Variants in UBE2D4 observed in about 807,000 individuals in gnomAD.
UBE2D4 encodes ubiquitin conjugating enzyme E2 D4.
In UBE2D4, 17 loss-of-function variants were observed where a neutral mutation model predicts 23.0. The observed-to-expected ratio is 0.74, with a 90% CI of 0.51 to 1.11. UBE2D4 has a LOEUF of 1.11. Among genes scored for constraint, UBE2D4 ranks in the 50% least tolerant of loss-of-function variants. UBE2D4 has a pLI of 0.00. For synonymous variants in UBE2D4, 61 were observed against 69.4 expected (o/e 0.88, Z 0.60); for missense variants, 139 against 181.8 (o/e 0.76, Z 1.35).
chr7:43,942,742 G>C (rs2074728), intron 2 of UBE2D4, 84 bp from the exon 3 acceptor site: 527,554 of 1,579,440 alleles, frequency 0.33, 91,411 homozygotes, highest in South Asian at 0.48. Flanking sequence ...TAGACAGTGC[G>C]CTGTAATTTA....
intron 2 of UBE2D4, chr7:43,942,172 C>T (rs771030345): frequency 4.8e-4 from 73 of 153,266 alleles, no homozygotes; most frequent in Non-Finnish European, 9.4e-4. Flanking sequence ...AAAAATTAGC[C>T]AGATGTGGTG....
rs1218395968 is a variant in UBE2D4 at position 43,942,809 on chromosome 7, T to C, written c.89-17T>C. Reference sequence around the variant, plus strand: ...TTGGGGGGTCTCTTACATGCCCGTCTCTCTTTTGTTTTGTAGTGTTCCACT... The same window carrying C: ...TTGGGGGGTCTCTTACATGCCCGTCCCTCTTTTGTTTTGTAGTGTTCCACT... On this transcript the variant is annotated splice_polypyrimidine_tract_variant and intron_variant, in intron 2 of 6. Transcript: ENST00000222402. The C allele has an allele frequency of 6.2e-7, 1 of 1,614,018 alleles. No homozygotes were observed. Among genetic ancestry groups the C allele is most frequent in the African/African-American group, 1.3e-5 (1 of 74,898 alleles).
chr7:43,938,627 G>C, intron 2 of UBE2D4, 133 bp downstream of exon 2: 1 of 817,260 alleles, frequency 1.2e-6, no homozygotes, highest in African/African-American at 1.7e-5. Flanking sequence ...CCTGAGGTCA[G>C]GAGTTTGAAA....
At chr7:43,931,296 G>C (rs2095944884) in intron 1 of UBE2D4, among the ~76,000 whole-genome samples, 1 of 152,108 alleles carries the variant, frequency 6.6e-6, no homozygotes, top group Admixed American at 6.6e-5. Flanking sequence ...AAATTAGACA[G>C]GCATGGTTCT....
rs1472523287 is a variant in UBE2D4, at chr7:43,944,878, G to A, written c.198+1847G>A. On this transcript the variant is annotated intron_variant, in intron 4 of 6. Transcript: ENST00000222402. This position sits in a 1 kb window ranked among gnomAD's most constrained non-coding sequence, Gnocchi z 4.0. ...CTCTTTCATTACTGTGTGAGCAGCTGAGGATTTTCCTTAAACAGATACCAA... is the reference window on the plus strand; with the variant it reads ...CTCTTTCATTACTGTGTGAGCAGCTAAGGATTTTCCTTAAACAGATACCAA... The A allele has an allele frequency of 6.6e-6, 1 of 152,220 alleles. No homozygotes were observed. Among genetic ancestry groups the A allele is most frequent in the Non-Finnish European group, 1.5e-5 (1 of 68,040 alleles). 9.4% of individuals were successfully genotyped at this position (152,220 alleles called of 1,614,324 possible). A position where few individuals can be genotyped will look rare whatever the true frequency, so the allele number is the denominator to read the frequency against.
At chr7:43,946,693 A>G (rs2095987958) in intron 4 of UBE2D4, among the ~76,000 whole-genome samples, 1 of 152,240 alleles carries the variant, frequency 6.6e-6, no homozygotes, top group Admixed American at 6.5e-5. Flanking sequence ...TAATTTAACC[A>G]GTAATCAATC....
At chr7:43,942,678 T>A in intron 2 of UBE2D4, 148 bp from the exon 3 acceptor site, 1 of 1,042,544 alleles carries the variant, frequency 9.6e-7, no homozygotes, top group East Asian at 2.4e-5. Flanking sequence ...GCATCTTGGG[T>A]GGTTTGGGGA....
At chr7:43,928,577 CG>C (rs1192326998) in intron 1 of UBE2D4, among the ~76,000 whole-genome samples, 1 of 152,032 alleles carries the variant, frequency 6.6e-6, no homozygotes, top group Non-Finnish European at 1.5e-5. Context: ...GCAGTGTGGC[CG>C]GAAGTGGGAC....
intron 1 of UBE2D4, among the ~76,000 whole-genome samples, chr7:43,933,143 CAT>C (rs1315033875): frequency 6.7e-6 from 1 of 148,672 alleles, no homozygotes; most frequent in African/African-American, 2.5e-5. Flanking sequence ...CATATACGTA[CAT>C]ATATATGTGT....
intron 4 of UBE2D4, chr7:43,943,332 TG>T: frequency 1.9e-6 from 1 of 524,198 alleles, no homozygotes; most frequent in East Asian, 3.3e-5. Context: ...CTCCCTTCTC[TG>T]CAGTCCCTTA....
At chr7:43,939,112 A>G (rs1231030148) in intron 2 of UBE2D4, among the ~76,000 whole-genome samples, 3 of 152,300 alleles carry the variant, frequency 2.0e-5, no homozygotes, top group South Asian at 2.1e-4. Context: ...GGCCAAGTCA[A>G]ACTTGGGTGC....
chr7:43,932,218 T>C (rs2095947482), intron 1 of UBE2D4, among the ~76,000 whole-genome samples: 1 of 150,812 alleles, frequency 6.6e-6, no homozygotes, highest in Admixed American at 6.6e-5. Flanking sequence ...CTCGATCTCC[T>C]GACCTCGTGA....
At chr7:43,951,242 C>G (rs1439332562) in intron 6 of UBE2D4, among the ~76,000 whole-genome samples, 2 of 152,154 alleles carry the variant, frequency 1.3e-5, no homozygotes, top group African/African-American at 4.8e-5. Context: ...TTGTAAAATT[C>G]CGACCCCCTA....
chr7:43,954,641 A>AGTT lies in UBE2D4; in HGVS notation c.*1948_*1950dup, dbSNP rs1159536781. 6.6e-6 allele frequency: 1 copy of AGTT among 152,166 alleles called. No individual in the cohort carries two copies. The highest frequency in any genetic ancestry group is 1.5e-5 in the Non-Finnish European group (1 of 68,022). The allele number at this position is 152,166 out of a possible 1,614,324, so 9.4% of individuals were successfully genotyped here. ...CTTAAACAAAACAATAAAGCTTAAT[A>AGTT]GTTGGGGAGAATGCTGTTACCAGTG... On this transcript the variant is annotated 3_prime_UTR_variant, in exon 7 of 7. Transcript: ENST00000222402.
Position 43,942,477 on chromosome 7 carries a change from G to A in UBE2D4, c.89-349G>A, listed in dbSNP as rs1327657618. The A allele has an allele frequency of 6.6e-6, 3 of 457,550 alleles. No homozygotes were observed. The Admixed American group carries it at 1.0e-4, about 16-fold the overall frequency. 28.3% of individuals were successfully genotyped at this position (457,550 alleles called of 1,614,324 possible). A position where few individuals can be genotyped will look rare whatever the true frequency, so the allele number is the denominator to read the frequency against. Reference sequence around the variant, plus strand: ...TACGGAGGCTCCAGTGAGCATTCCTGATTGGGTGTTCTGTGTGTGTTGCCA... The same window carrying A: ...TACGGAGGCTCCAGTGAGCATTCCTAATTGGGTGTTCTGTGTGTGTTGCCA... On this transcript the variant is annotated intron_variant, in intron 2 of 6. Transcript: ENST00000222402.
In UBE2D4 at chr7:43,939,975, C is replaced by T. The variant is rs552903808; in HGVS notation, c.88+1481C>T. Among the ~76,000 whole-genome samples the T allele has an allele frequency of 9.2e-5, 14 of 152,238 alleles. No homozygotes were observed. The South Asian group carries it at 2.7e-3, about 29-fold the overall frequency. On this transcript the variant is annotated intron_variant, in intron 2 of 6. Coordinates refer to ENST00000222402, the MANE Select transcript of UBE2D4 (RefSeq NM_015983.4). ...AGCATTGTGAAGGCATTTCATGCCACAGAATTGTACACTTTAAAGTTGTTT... is the reference window on the plus strand; with the variant it reads ...AGCATTGTGAAGGCATTTCATGCCATAGAATTGTACACTTTAAAGTTGTTT...
At chr7:43,947,581 A>G (rs2095991070) in intron 4 of UBE2D4, among the ~76,000 whole-genome samples, 1 of 152,238 alleles carries the variant, frequency 6.6e-6, no homozygotes, top group South Asian at 2.1e-4. Context: ...AATCCAATGT[A>G]TCATTGATGG....
Position 43,938,563 on chromosome 7 carries a change from C to T in UBE2D4, c.88+69C>T, listed in dbSNP as rs750495716. On this transcript the variant is annotated intron_variant, in intron 2 of 6. Coordinates refer to ENST00000222402, the MANE Select transcript of UBE2D4 (RefSeq NM_015983.4). ...AAGACCCCCCAACTTAGGCCAGGTG[C>T]GGTGGCTCACGCCTGTAATCCCAAC... 261 of 1,475,054 alleles carry T rather than the reference C, an allele frequency of 1.8e-4. 1 individual carries two copies. Among genetic ancestry groups the T allele is most frequent in the Middle Eastern group, 5.7e-4 (3 of 5,306 alleles). 91.4% of individuals were successfully genotyped at this position (1,475,054 alleles called of 1,614,324 possible).
chr7:43,940,102 G>A (rs1309570126), intron 2 of UBE2D4, among the ~76,000 whole-genome samples: 1 of 152,236 alleles, frequency 6.6e-6, no homozygotes, highest in African/African-American at 2.4e-5. Context: ...TGCATGTCCT[G>A]GGAGGGGACT....
Sources: gnomAD v4.1 joint callset for allele counts (sites outside exome capture counted in the v4.1 genomes callset) on GRCh38, gnomAD v4.1.1 for gene constraint, Gnocchi (gnomAD v3.1) non-coding constraint, MANE v1.5 for transcripts, NCBI Gene and HGNC (gene_info 2026-07-23, HGNC 2026-07-21) for gene names.